The following PRCP variants were observed in gnomAD, a reference collection of about 807,000 sequenced individuals.
PRCP encodes the protein lysosomal Pro-X carboxypeptidase.
PRCP carries 46 observed loss-of-function variants against 54.2 expected under a neutral mutation model. The observed-to-expected ratio is 0.85, with a 90% CI of 0.67 to 1.09. The LOEUF (loss-of-function observed/expected upper bound fraction) is 1.09. Among genes scored for constraint, PRCP ranks in the 50% least tolerant of loss-of-function variants. The probability of loss-of-function intolerance (pLI) is 0.00; values close to 1 mark genes in which losing one functional copy is unlikely to be tolerated. For missense variants in PRCP, 613 were observed against 596.8 expected (o/e 1.03, Z -0.28); for synonymous variants, 240 against 212.2 (o/e 1.13, Z -1.14).
intron 1 of PRCP, among the ~76,000 whole-genome samples, chr11:82,894,666 A>G (rs1395686331): frequency 6.6e-6 from 1 of 152,248 alleles, no homozygotes; most frequent in Non-Finnish European, 1.5e-5. Flanking sequence ...TCTAAAGCAC[A>G]AAGTTCCTGC....
chr11:82,847,250 T>C (rs1158173359), intron 6 of PRCP, among the ~76,000 whole-genome samples: 1 of 152,194 alleles, frequency 6.6e-6, no homozygotes, highest in Non-Finnish European at 1.5e-5. Flanking sequence ...GATATAGAGT[T>C]AAATCTGATA....
chr11:82,823,708 T>G lies in PRCP; in HGVS notation c.*1198A>C, dbSNP rs779139222. 2 of 151,894 alleles carry G rather than the reference T, an allele frequency of 1.3e-5. No individual in the cohort carries two copies. Among genetic ancestry groups the G allele is most frequent in the Non-Finnish European group, 1.5e-5 (1 of 68,042 alleles). The allele number at this position is 151,894 out of a possible 1,614,324, so 9.4% of individuals were successfully genotyped here. A position where few individuals can be genotyped will look rare whatever the true frequency, so the allele number is the denominator to read the frequency against. On this transcript the variant is annotated 3_prime_UTR_variant, in exon 9 of 9. Coordinates refer to ENST00000313010, the MANE Select transcript of PRCP (RefSeq NM_005040.4). ...AGTAGAAACTGTTAGTCTCTCTCTCTCTGTCTCTCTGTGTCCCTGAAAGGT... is the reference window on the plus strand; with the variant it reads ...AGTAGAAACTGTTAGTCTCTCTCTCGCTGTCTCTCTGTGTCCCTGAAAGGT...
chr11:82,846,728 C>T (rs1858816499), intron 6 of PRCP, among the ~76,000 whole-genome samples: 1 of 152,140 alleles, frequency 6.6e-6, no homozygotes, highest in Non-Finnish European at 1.5e-5. Context: ...GTATACTCTG[C>T]TGGTTTTGAG....
At chr11:82,890,969 G>C (rs1859995278) in intron 1 of PRCP, among the ~76,000 whole-genome samples, 1 of 152,140 alleles carries the variant, frequency 6.6e-6, no homozygotes, top group South Asian at 2.1e-4. Context: ...ATCTTTAAAA[G>C]AAAAGATCAT....
At chr11:82,830,083 T>A (rs1416513063) in intron 8 of PRCP, 1 of 152,182 alleles carries the variant, frequency 6.6e-6, no homozygotes, top group Non-Finnish European at 1.5e-5. Context: ...AAATGTTTTT[T>A]AAGAAAGATA....
chr11:82,825,064 G>C lies in PRCP; in HGVS notation c.1333C>G (p.Leu445Val), dbSNP rs769570207. The change falls in exon 9 of 9, where the codon CTG becomes GTG. Residue 445 changes from leucine (L) to valine (V), a missense_variant. Transcript: ENST00000313010. ...CCCTCTGAGATGGTGACTGCAACCA[G>C]AGTGTCTGTGATATCCTTAGTTACT... ...GGVTKDITDT[L>V]VAVTISEGAH... is the part of the protein sequence containing the mutation. 1 of 1,614,084 alleles carries C rather than the reference G, an allele frequency of 6.2e-7. No homozygotes were observed. The highest frequency in any genetic ancestry group is 1.1e-5 in the South Asian group (1 of 91,064).
Position 82,842,190 on chromosome 11 carries a change from A to G in PRCP, c.922-2765T>C, listed in dbSNP as rs181010454. On this transcript the variant is annotated intron_variant, in intron 6 of 8. Coordinates refer to ENST00000313010, the MANE Select transcript of PRCP (RefSeq NM_005040.4). Reference sequence around the variant, plus strand: ...AACACTGGGCCTCTGTCAGGCAAAGAAAAGGAGTCCCTATGAATAGCCATC... The same window carrying G: ...AACACTGGGCCTCTGTCAGGCAAAGGAAAGGAGTCCCTATGAATAGCCATC... Among the ~76,000 whole-genome samples the G allele has an allele frequency of 8.5e-5, 13 of 152,322 alleles. No homozygotes were observed. The East Asian group carries it at 2.1e-3, about 25-fold the overall frequency.
At position 82,824,826 on chromosome 11, in the gene PRCP, A is replaced by G. The variant is rs2121036600; in HGVS notation, c.*80T>C. 7.3e-7 allele frequency: 1 copy of G among 1,367,302 alleles called. No homozygotes were observed. 84.7% of individuals were successfully genotyped at this position (1,367,302 alleles called of 1,614,324 possible). ...ATCTAATGATAAACAAAAGAAGGTA[A>G]TTACATGTAGAAAATCAAAGTGAAT... On this transcript the variant is annotated 3_prime_UTR_variant, in exon 9 of 9. Coordinates refer to ENST00000313010, the MANE Select transcript of PRCP (RefSeq NM_005040.4).
intron 1 of PRCP, among the ~76,000 whole-genome samples, chr11:82,882,401 A>C (rs1275577906): frequency 6.6e-6 from 1 of 152,066 alleles, no homozygotes; most frequent in East Asian, 1.9e-4. Flanking sequence ...TTGTGCTGAG[A>C]TATCCATATT....
intron 1 of PRCP, among the ~76,000 whole-genome samples, chr11:82,882,870 C>CAG (rs1859783607): frequency 6.9e-6 from 1 of 145,518 alleles, no homozygotes; most frequent in Admixed American, 6.9e-5. Context: ...CACACACACA[C>CAG]ACACAGCCCT....
In PRCP at chr11:82,838,437, A is replaced by G. The variant is rs750315671; in HGVS notation, c.1224T>C (p.Thr408=). 10 of 1,614,082 alleles carry G rather than the reference A, an allele frequency of 6.2e-6. 1 individual carries two copies. In the South Asian group the frequency reaches 1.1e-4, roughly 18 times the overall value. The change falls in exon 8 of 9, where the codon ACT becomes ACC. Residue 408 remains threonine, a synonymous_variant. Transcript: ENST00000313010. ...TAATGTTTTTGCCTCCATACATAGT[A>G]GTGATCCAGGAGGGCCTTGGTCTCA... ...WGVRPRPSWI[T]TMYGGKNISS...
rs1233905045 is a variant in PRCP, at chr11:82,824,516, G to A, written c.*390C>T. The A allele has an allele frequency of 5.0e-6, 1 of 201,328 alleles. No individual in the cohort carries two copies. Among genetic ancestry groups the A allele is most frequent in the Non-Finnish European group, 1.0e-5 (1 of 98,564 alleles). The allele number at this position is 201,328 out of a possible 1,614,324, so 12.5% of individuals were successfully genotyped here. On this transcript the variant is annotated 3_prime_UTR_variant, in exon 9 of 9. Transcript: ENST00000313010. Reference sequence around the variant, plus strand: ...TATCTATCTTCTGCTTTTACTTTGTGTAGGGTAGGGATGGGGACTTACAAA... The same window carrying A: ...TATCTATCTTCTGCTTTTACTTTGTATAGGGTAGGGATGGGGACTTACAAA...
chr11:82,839,190 C>A, intron 7 of PRCP, 71 bp downstream of exon 7: 1 of 1,507,888 alleles, frequency 6.6e-7, no homozygotes, highest in South Asian at 1.3e-5. Context: ...CTTGTGTACC[C>A]TGATTTTTTT....
intron 8 of PRCP, among the ~76,000 whole-genome samples, chr11:82,834,449 G>A (rs1293982769): frequency 6.6e-6 from 1 of 152,196 alleles, no homozygotes; most frequent in African/African-American, 2.4e-5. Flanking sequence ...GAAGAATCCT[G>A]TTGAGAACAA....
At chr11:82,867,481 T>C (rs1473171367) in intron 1 of PRCP, among the ~76,000 whole-genome samples, 2 of 152,186 alleles carry the variant, frequency 1.3e-5, no homozygotes, top group Non-Finnish European at 2.9e-5. Flanking sequence ...AACAGTTAAG[T>C]GTTTCATTAG....
chr11:82,849,865 A>G lies in PRCP; in HGVS notation c.751+49T>C, dbSNP rs746707256. The G allele has an allele frequency of 2.3e-6, 3 of 1,327,598 alleles. No homozygotes were observed. In the South Asian group the frequency reaches 7.7e-5, roughly 34 times the overall value. The allele number at this position is 1,327,598 out of a possible 1,614,324, so 82.2% of individuals were successfully genotyped here. ...AAGCGACAACTACTGAATTTAACAA[A>G]TGAAAGGTTAAAAAAACACACAATT... On this transcript the variant is annotated intron_variant, in intron 5 of 8. Transcript: ENST00000313010.
At chr11:82,836,511 AT>A (rs150980041) in intron 8 of PRCP, 4 of 151,886 alleles carry the variant, frequency 2.6e-5, no homozygotes, top group Non-Finnish European at 5.9e-5. Flanking sequence ...CATTTCTTTC[AT>A]TTTTTTTTGT....
intron 6 of PRCP, among the ~76,000 whole-genome samples, chr11:82,847,642 T>C (rs1034388601): frequency 6.6e-6 from 1 of 152,206 alleles, no homozygotes; most frequent in African/African-American, 2.4e-5. Context: ...GATCTAGCTC[T>C]GTTGCCCAGG....
At chr11:82,877,585 G>C (rs986925716) in intron 1 of PRCP, among the ~76,000 whole-genome samples, 54 of 152,268 alleles carry the variant, frequency 3.5e-4, no homozygotes, top group African/African-American at 1.2e-3. Context: ...TGTGACTTCA[G>C]AGGGTGGGAG....
Sources: allele counts gnomAD v4.1 joint callset (sites outside exome capture counted in the v4.1 genomes callset), GRCh38; gene constraint gnomAD v4.1.1; transcripts MANE v1.5; gene names NCBI Gene and HGNC (gene_info 2026-07-23, HGNC 2026-07-21).